ROBO2: variants seen among roughly 807,000 people sequenced by gnomAD.
The protein encoded by ROBO2 is roundabout guidance receptor 2, also known as roundabout homolog 2.
ROBO2 carries 53 observed loss-of-function variants against 160.8 expected under a neutral mutation model. That is an observed-to-expected ratio of 0.33 (90% CI 0.26 to 0.41). ROBO2 has a LOEUF of 0.41. Ranked by LOEUF, ROBO2 falls within the 10% of genes least tolerant of loss-of-function variation. The probability of loss-of-function intolerance (pLI) is 1.00; values close to 1 mark genes in which losing one functional copy is unlikely to be tolerated. For missense variants in ROBO2, 1,577 were observed against 1,722.4 expected, an observed-to-expected ratio of 0.92 and a Z score of 1.49; for synonymous variants, 664 against 611.7, an observed-to-expected ratio of 1.09 and a Z score of -1.26.
At chr3:76,208,620 G>A (rs1356331351) in intron 2 of ROBO2, among the ~76,000 whole-genome samples, 1 of 152,020 alleles carries the variant, frequency 6.6e-6, no homozygotes, top group Non-Finnish European at 1.5e-5. Flanking sequence ...AAAATAATCT[G>A]CCACGTTGAC....
At chr3:75,970,344 C>T (rs967886324) in intron 2 of ROBO2, among the ~76,000 whole-genome samples, 1 of 151,454 alleles carries the variant, frequency 6.6e-6, no homozygotes, top group Non-Finnish European at 1.5e-5. Context: ...TTTTGAAGCA[C>T]AGGGTAATTC....
chr3:76,242,003 C>A (rs941738356), intron 2 of ROBO2, among the ~76,000 whole-genome samples: 1 of 152,104 alleles, frequency 6.6e-6, no homozygotes, highest in Admixed American at 6.6e-5. Context: ...GAGTAGAAAG[C>A]AAGGAAAGTG....
At chr3:77,364,068 C>G (rs1210716766) in intron 2 of ROBO2, among the ~76,000 whole-genome samples, 1 of 152,158 alleles carries the variant, frequency 6.6e-6, no homozygotes, top group East Asian at 1.9e-4. Context: ...GTATATGAGG[C>G]AATTGAAGCC....
intron 2 of ROBO2, among the ~76,000 whole-genome samples, chr3:77,476,438 C>G (rs996908538): frequency 1.3e-5 from 2 of 151,088 alleles, no homozygotes; most frequent in African/African-American, 4.9e-5. Flanking sequence ...TACTTTGGAA[C>G]CAAACATGTC....
intron 2 of ROBO2, among the ~76,000 whole-genome samples, chr3:76,877,449 C>T (rs1422896234): frequency 6.6e-6 from 1 of 152,094 alleles, no homozygotes; most frequent in African/African-American, 2.4e-5. Flanking sequence ...TGTTTTAGAA[C>T]GATGAGTTTG....
chr3:75,928,980 C>CAT (rs138455340), intron 1 of ROBO2, among the ~76,000 whole-genome samples: 4 of 94,054 alleles, frequency 4.3e-5, no homozygotes, highest in African/African-American at 4.5e-5. Context: ...ATAAGACGTA[C>CAT]GTGTGTGTGT....
intron 2 of ROBO2, among the ~76,000 whole-genome samples, chr3:76,000,056 A>G (rs1260163668): frequency 6.6e-6 from 1 of 152,226 alleles, no homozygotes; most frequent in Non-Finnish European, 1.5e-5. Flanking sequence ...ACACAGAAAA[A>G]GACATTTAAT....
chr3:77,313,399 T>G lies in ROBO2; in HGVS notation c.389-164015T>G, dbSNP rs143057245. On this transcript the variant is annotated intron_variant, in intron 2 of 25. Coordinates refer to ENST00000461745, the Ensembl canonical transcript of ROBO2. Reference sequence around the variant, plus strand: ...ATATTCCGTATGGTCCTTCTAACTATCTGAAATTATATATTATATTATTGT... The same window carrying G: ...ATATTCCGTATGGTCCTTCTAACTAGCTGAAATTATATATTATATTATTGT... Among the ~76,000 whole-genome samples the G allele has an allele frequency of 1.9e-3, 295 of 152,260 alleles. 2 individuals are homozygous for G. Among genetic ancestry groups the G allele is most frequent in the African/African-American group, 6.8e-3 (284 of 41,542 alleles).
At chr3:77,116,913 G>A (rs1380603484) in intron 2 of ROBO2, among the ~76,000 whole-genome samples, 2 of 152,214 alleles carry the variant, frequency 1.3e-5, no homozygotes, top group Non-Finnish European at 2.9e-5. Context: ...TGGCCTCAGT[G>A]TAGTCCATCA....
intron 2 of ROBO2, among the ~76,000 whole-genome samples, chr3:77,306,327 T>A (rs1337020997): frequency 6.6e-6 from 1 of 152,146 alleles, no homozygotes; most frequent in African/African-American, 2.4e-5. Flanking sequence ...ATAGTACATA[T>A]GAAATACAAT....
chr3:77,283,235 G>A (rs2060359434), intron 2 of ROBO2, among the ~76,000 whole-genome samples: 1 of 152,142 alleles, frequency 6.6e-6, no homozygotes, highest in African/African-American at 2.4e-5. Context: ...GAGAATTAAA[G>A]ATGATAACCC....
intron 2 of ROBO2, among the ~76,000 whole-genome samples, chr3:77,374,169 CAAAAAAAAAAAAAAA>C (rs60357417): frequency 4.0e-4 from 16 of 40,108 alleles, no homozygotes; most frequent in East Asian, 2.0e-3. Context: ...GAGACTCCAT[CAAAAAAAAAAAAAAA>C]AAAAAAAAAA....
chr3:77,497,348 TATA>T (rs1287820470), intron 5 of ROBO2, among the ~76,000 whole-genome samples: 12 of 152,154 alleles, frequency 7.9e-5, no homozygotes, highest in Admixed American at 2.0e-4. Context: ...TTTTATAGTT[TATA>T]ATGATTATGA....
chr3:76,387,561 A>T (rs966461131), intron 2 of ROBO2, among the ~76,000 whole-genome samples: 3 of 152,236 alleles, frequency 2.0e-5, no homozygotes, highest in Non-Finnish European at 4.4e-5. Flanking sequence ...TGCTGAATGA[A>T]TGTGCCAGAT....
chr3:77,574,667 C>A (rs766163276), exon 14 of ROBO2: 2 of 1,613,146 alleles, frequency 1.2e-6, no homozygotes, highest in South Asian at 2.2e-5. Flanking sequence ...TAAAGTACGG[C>A]CATATTTTAA....
chr3:76,925,435 AT>A (rs916449337), intron 2 of ROBO2, among the ~76,000 whole-genome samples: 11 of 152,068 alleles, frequency 7.2e-5, no homozygotes, highest in African/African-American at 2.7e-4. Context: ...AATTGCAAAT[AT>A]TTTTTGAAGC....
rs1291750431 is a variant in ROBO2 at position 77,000,399 on chromosome 3, A to T, written c.110-97615A>T. ...CCCCTTTGCCAGCCTCTCAGTCTGG[A>T]TGCTTCTCCCTCAGTTTATCTCCTT... is the stretch of plus-strand genomic sequence containing the variant. On this transcript the variant is annotated intron_variant, in intron 2 of 26. Coordinates refer to the ROBO2 transcript ENST00000487694. 3.3e-5 allele frequency among the ~76,000 whole-genome samples: 5 copies of T among 152,210 alleles called. No homozygotes were observed. The East Asian group carries it at 9.7e-4, about 29-fold the overall frequency.
At chr3:75,912,499 C>T (rs1946639441) in intron 1 of ROBO2, among the ~76,000 whole-genome samples, 1 of 152,200 alleles carries the variant, frequency 6.6e-6, no homozygotes, top group South Asian at 2.1e-4. Context: ...GATAGCATCA[C>T]AAACTCACTG....
intron 2 of ROBO2, among the ~76,000 whole-genome samples, chr3:76,933,951 T>TTA (rs2077515658): frequency 6.6e-6 from 1 of 152,188 alleles, no homozygotes; most frequent in Non-Finnish European, 1.5e-5. Flanking sequence ...TAAAAATAGT[T>TTA]TAGATACTGC....
Sources: allele counts gnomAD v4.1 joint callset (sites outside exome capture counted in the v4.1 genomes callset), GRCh38; gene constraint gnomAD v4.1.1; transcripts MANE v1.5; gene names NCBI Gene and HGNC (gene_info 2026-07-23, HGNC 2026-07-21).